The following EYS variants were observed in gnomAD, a reference collection of about 807,000 sequenced individuals.
The protein encoded by EYS is EGF-like photoreceptor maintenance factor.
EYS carries 250 observed loss-of-function variants against 282.1 expected under a neutral mutation model. The observed-to-expected ratio is 0.89, with a 90% CI of 0.80 to 0.98. The LOEUF is 0.98. EYS is among the 50% of genes least tolerant of loss of function. EYS has a pLI of 0.00. For missense variants in EYS, 4,016 were observed against 3,709.0 expected (o/e 1.08, Z -2.15); for synonymous variants, 1,355 against 1,282.9 (o/e 1.06, Z -1.20).
At chr6:64,336,564 C>T (rs1463197187) in intron 29 of EYS, among the ~76,000 whole-genome samples, 1 of 152,034 alleles carries the variant, frequency 6.6e-6, no homozygotes, top group African/African-American at 2.4e-5. Flanking sequence ...CTAGACAGGT[C>T]ATCAAGACAG....
intron 2 of EYS, among the ~76,000 whole-genome samples, chr6:65,523,452 T>G (rs1486086456): frequency 6.6e-6 from 1 of 152,104 alleles, no homozygotes; most frequent in African/African-American, 2.4e-5. Flanking sequence ...GTGCATGATC[T>G]CACTTATATG....
chr6:65,362,318 T>C (rs1393682), intron 8 of EYS, among the ~76,000 whole-genome samples: 102,428 of 151,916 alleles, frequency 0.67, 34,625 homozygotes, highest in South Asian at 0.71. Flanking sequence ...TGAACACAAA[T>C]AAACAAATGA....
intron 14 of EYS, among the ~76,000 whole-genome samples, chr6:64,961,917 T>C (rs537072700): frequency 2.3e-4 from 35 of 152,306 alleles, no homozygotes; most frequent in African/African-American, 7.9e-4. Flanking sequence ...TCATAATTTA[T>C]CTATCATCAT....
chr6:65,361,914 A>C (rs933688060), intron 8 of EYS, among the ~76,000 whole-genome samples: 3 of 152,168 alleles, frequency 2.0e-5, no homozygotes, highest in African/African-American at 7.2e-5. Flanking sequence ...AAATTGAGCA[A>C]ATACTGGAAT....
At position 65,550,143 on chromosome 6, in the gene EYS, C is replaced by CTTTT. The variant is rs1048251073; in HGVS notation, c.-332-54154_-332-54151dup. On this transcript the variant is annotated intron_variant, in intron 2 of 42. Coordinates refer to ENST00000503581, the MANE Select transcript of EYS (RefSeq NM_001142800.2). The stretch of plus-strand genomic sequence containing the variant: ...AAGTTAGTATCTGACTCTACTATAT[C>CTTTT]TTTTTTTTTTTTTTTTTTTTTTTTT... Among the ~76,000 whole-genome samples the CTTTT allele has an allele frequency of 8.2e-3, 48 of 5,886 alleles. 2 individuals carry two copies. Among genetic ancestry groups the CTTTT allele is most frequent in the African/African-American group, 9.3e-3 (7 of 754 alleles). The allele number at this position is 5,886 out of a possible 152,430, so 3.9% of individuals were successfully genotyped here.
intron 22 of EYS, among the ~76,000 whole-genome samples, chr6:64,720,583 T>C (rs1771544933): frequency 6.6e-6 from 1 of 152,168 alleles, no homozygotes; most frequent in Non-Finnish European, 1.5e-5. Flanking sequence ...ATTCTTGCAG[T>C]TTTCCATCCC....
Position 63,883,701 on chromosome 6 carries a change from G to A in EYS, c.7056-19343C>T, listed in dbSNP as rs113642993. On this transcript the variant is annotated intron_variant, in intron 35 of 42. Coordinates refer to ENST00000503581, the MANE Select transcript of EYS (RefSeq NM_001142800.2). The stretch of plus-strand genomic sequence containing the variant: ...TAAATTGCTTGTAACTAAACCTGTG[G>A]TATAACCTCTGCTTTTGGGGGAATT... Among the ~76,000 whole-genome samples the A allele has an allele frequency of 5.7e-3, 872 of 152,300 alleles. 5 individuals are homozygous for A. The highest frequency in any genetic ancestry group is 8.9e-3 in the Non-Finnish European group (604 of 68,036).
intron 14 of EYS, among the ~76,000 whole-genome samples, chr6:64,972,366 C>T (rs1435704740): frequency 6.6e-6 from 1 of 152,010 alleles, no homozygotes; most frequent in African/African-American, 2.4e-5. Flanking sequence ...AAAAAGAAAA[C>T]AGTTATGACA....
chr6:65,665,380 T>A (rs1768161238), intron 1 of EYS, among the ~76,000 whole-genome samples: 1 of 152,084 alleles, frequency 6.6e-6, no homozygotes, highest in South Asian at 2.1e-4. Flanking sequence ...GAGTTTCAAT[T>A]TATATTTGTT....
chr6:64,822,825 G>A lies in EYS; in HGVS notation c.2993-3C>T. 1 of 1,545,062 alleles carries A rather than the reference G, an allele frequency of 6.5e-7. No individual in the cohort carries two copies. Among genetic ancestry groups the A allele is most frequent in the Non-Finnish European group, 8.7e-7 (1 of 1,143,572 alleles). On this transcript the variant is annotated splice_region_variant and splice_polypyrimidine_tract_variant and intron_variant, in intron 19 of 42. Transcript: ENST00000503581. ...TAGATTTATTTCACAGTTGATGCCT[G>A]TGTTGGAACAGACAAGGCAAAACAT... is the stretch of plus-strand genomic sequence containing the variant.
chr6:64,593,368 T>C, intron 24 of EYS, 59 bp from the exon 25 acceptor site: 1 of 1,366,204 alleles, frequency 7.3e-7, no homozygotes, highest in Non-Finnish European at 1.0e-6. Flanking sequence ...CTAAGAGAAA[T>C]TGTAAAGTTT....
At chr6:64,334,836 C>T (rs2150392749) in intron 29 of EYS, among the ~76,000 whole-genome samples, 1 of 152,224 alleles carries the variant, frequency 6.6e-6, no homozygotes, top group East Asian at 1.9e-4. Flanking sequence ...ATGTTCCAGT[C>T]CAGATGTGGT....
At chr6:65,549,340 C>T (rs1173345409) in intron 2 of EYS, among the ~76,000 whole-genome samples, 4 of 151,990 alleles carry the variant, frequency 2.6e-5, no homozygotes, top group African/African-American at 9.7e-5. Flanking sequence ...AGTATGTTTC[C>T]TATATAAACT....
At chr6:64,707,397 T>C (rs77965767) in intron 22 of EYS, among the ~76,000 whole-genome samples, 51,803 of 151,590 alleles carry the variant, frequency 0.34, 9,310 homozygotes, top group Middle Eastern at 0.42. Context: ...GGGCCAGGCA[T>C]GGTGGCTCAC....
Position 65,135,341 on chromosome 6 carries a change from T to C in EYS, c.2024-77614A>G, listed in dbSNP as rs548334674. Reference sequence around the variant, plus strand: ...AATTCATTTTATGAAGTTGTGTTACTTTTTATTGAAAAAAAATTAATGTCA... The same window carrying C: ...AATTCATTTTATGAAGTTGTGTTACCTTTTATTGAAAAAAAATTAATGTCA... On this transcript the variant is annotated intron_variant, in intron 12 of 42. Coordinates refer to ENST00000503581, the MANE Select transcript of EYS (RefSeq NM_001142800.2). Among the ~76,000 whole-genome samples the C allele has an allele frequency of 2.0e-4, 31 of 152,166 alleles. No homozygotes were observed. The South Asian group carries it at 6.0e-3, about 30-fold the overall frequency.
chr6:64,552,037 TGAG>T (rs1484674173), intron 26 of EYS, among the ~76,000 whole-genome samples: 3 of 152,108 alleles, frequency 2.0e-5, no homozygotes, highest in African/African-American at 4.8e-5. Context: ...CCCAAAGCAC[TGAG>T]ATTACAGGCA....
chr6:64,628,884 A>G (rs1033600812), intron 22 of EYS, among the ~76,000 whole-genome samples: 6 of 152,218 alleles, frequency 3.9e-5, no homozygotes, highest in African/African-American at 1.4e-4. Flanking sequence ...GAATGTTCTC[A>G]TAGACTATGT....
At chr6:65,514,392 C>A (rs1767034311) in intron 2 of EYS, among the ~76,000 whole-genome samples, 1 of 152,270 alleles carries the variant, frequency 6.6e-6, no homozygotes, top group Non-Finnish European at 1.5e-5. Context: ...TCAATGCCAT[C>A]CCCATCAATC....
chr6:64,935,133 A>G (rs1768864633), intron 15 of EYS, among the ~76,000 whole-genome samples: 1 of 151,812 alleles, frequency 6.6e-6, no homozygotes, highest in Non-Finnish European at 1.5e-5. Flanking sequence ...ACCATTAAAA[A>G]TTTTCTAAAT....
Sources: gnomAD v4.1 joint callset for allele counts (sites outside exome capture counted in the v4.1 genomes callset) on GRCh38, gnomAD v4.1.1 for gene constraint, MANE v1.5 for transcripts, NCBI Gene and HGNC (gene_info 2026-07-23, HGNC 2026-07-21) for gene names.